The following FOXJ3 variants were observed in gnomAD, a reference collection of about 807,000 sequenced individuals.
The protein encoded by FOXJ3 is forkhead box protein J3.
A neutral mutation model predicts 76.1 loss-of-function variants in FOXJ3; 22 were observed. The observed-to-expected ratio is 0.29, with a 90% confidence interval of 0.21 to 0.41. The LOEUF is 0.41. FOXJ3 is among the 10% of genes least tolerant of loss of function. The probability of loss-of-function intolerance (pLI) is 1.00; values close to 1 mark genes in which losing one functional copy is unlikely to be tolerated. For missense variants in FOXJ3, 613 were observed against 762.1 expected (o/e 0.80, Z 2.30); for synonymous variants, 269 against 261.2 (o/e 1.03, Z -0.29).
intron 6 of FOXJ3, among the ~76,000 whole-genome samples, chr1:42,200,172 C>T (rs1000533835): frequency 6.6e-6 from 1 of 152,098 alleles, no homozygotes; most frequent in African/African-American, 2.4e-5. Context: ...GACCAGCACT[C>T]TAGAAGCTCA....
intron 10 of FOXJ3, 137 bp from the exon 11 acceptor site, chr1:42,189,065 A>G: frequency 1.6e-6 from 1 of 624,352 alleles, no homozygotes; most frequent in Non-Finnish European, 2.7e-6. Flanking sequence ...CCACGCAATG[A>G]AGAATGACCT....
intron 1 of FOXJ3, among the ~76,000 whole-genome samples, chr1:42,327,993 ACT>A (rs1655939270): frequency 6.6e-6 from 1 of 151,922 alleles, no homozygotes; most frequent in Admixed American, 6.6e-5. Flanking sequence ...TTCTGGAGAG[ACT>A]CTCTAAAAAT....
chr1:42,223,971 C>T (rs1218466880), intron 5 of FOXJ3, among the ~76,000 whole-genome samples: 5 of 152,206 alleles, frequency 3.3e-5, no homozygotes, highest in Non-Finnish European at 7.3e-5. Context: ...TGTTCATCAG[C>T]TTCATCAGAG....
At chr1:42,228,311 T>TTAA (rs1290957010) in intron 4 of FOXJ3, among the ~76,000 whole-genome samples, 2 of 152,150 alleles carry the variant, frequency 1.3e-5, no homozygotes, top group Non-Finnish European at 2.9e-5. Context: ...TGTATAAAGA[T>TTAA]ACTGTAGTTT....
At chr1:42,251,602 T>C (rs1650054833) in intron 4 of FOXJ3, among the ~76,000 whole-genome samples, 1 of 152,148 alleles carries the variant, frequency 6.6e-6, no homozygotes, top group Admixed American at 6.5e-5. Context: ...TGGATTACAT[T>C]TATTGATTTG....
At chr1:42,314,426 A>G (rs1654988753) in intron 1 of FOXJ3, among the ~76,000 whole-genome samples, 1 of 152,050 alleles carries the variant, frequency 6.6e-6, no homozygotes, top group Admixed American at 6.6e-5. Context: ...ACTTTTCTGT[A>G]TTTAGTAGAG....
At chr1:42,248,046 G>A (rs1649685970) in intron 4 of FOXJ3, among the ~76,000 whole-genome samples, 1 of 152,190 alleles carries the variant, frequency 6.6e-6, no homozygotes, top group South Asian at 2.1e-4. Flanking sequence ...TAGGTAACAT[G>A]TCCAGAATAG....
intron 2 of FOXJ3, among the ~76,000 whole-genome samples, chr1:42,288,527 T>A (rs975491241): frequency 1.3e-5 from 2 of 152,202 alleles, no homozygotes; most frequent in Admixed American, 1.3e-4. Context: ...CGGTGGAAAG[T>A]GATCCTGTCT....
intron 4 of FOXJ3, among the ~76,000 whole-genome samples, chr1:42,250,909 C>A (rs1035595914): frequency 2.3e-5 from 2 of 87,266 alleles, no homozygotes; most frequent in Non-Finnish European, 5.7e-5. Context: ...ACTAACAAAC[C>A]TGAAGAACAA....
intron 3 of FOXJ3, among the ~76,000 whole-genome samples, chr1:42,275,292 T>C (rs56042308): frequency 0.014 from 2,146 of 152,226 alleles, 24 homozygotes; most frequent in Non-Finnish European, 0.022. Flanking sequence ...AAAGAGTAAC[T>C]ACCATCTGAT....
chr1:42,227,418 T>G (rs1647660457), intron 5 of FOXJ3, among the ~76,000 whole-genome samples: 1 of 152,234 alleles, frequency 6.6e-6, no homozygotes, highest in Non-Finnish European at 1.5e-5. Context: ...CAAGTAAGAA[T>G]TATCTTACAA....
chr1:42,192,779 A>C (rs1168246479), intron 8 of FOXJ3, among the ~76,000 whole-genome samples: 1 of 152,126 alleles, frequency 6.6e-6, no homozygotes, highest in East Asian at 1.9e-4. Context: ...AAAAAACACA[A>C]GATAATATCA....
intron 4 of FOXJ3, among the ~76,000 whole-genome samples, chr1:42,251,706 ATTTTTTTTTTTTTTTTT>A (rs1168120638): frequency 1.6e-4 from 14 of 87,572 alleles, no homozygotes; most frequent in Admixed American, 4.0e-4. Context: ...GTTTGCCAGT[ATTTTTTTTTTTTTTTTT>A]TTTTTTTTTT....
chr1:42,334,419 A>G (rs908640418), intron 1 of FOXJ3, among the ~76,000 whole-genome samples: 29 of 145,462 alleles, frequency 2.0e-4, no homozygotes, highest in African/African-American at 7.1e-4. Flanking sequence ...TGGAGCTGGG[A>G]GGGGGGGCGG....
chr1:42,197,053 G>C (rs1021898863), intron 7 of FOXJ3, among the ~76,000 whole-genome samples: 2 of 151,994 alleles, frequency 1.3e-5, no homozygotes, highest in Non-Finnish European at 2.9e-5. Flanking sequence ...TGAAAACAAG[G>C]GCAGGATACT....
At chr1:42,321,698 A>T (rs1053068403) in intron 1 of FOXJ3, among the ~76,000 whole-genome samples, 4 of 152,182 alleles carry the variant, frequency 2.6e-5, no homozygotes, top group Non-Finnish European at 5.9e-5. Context: ...TTTTTTAAAT[A>T]AAGTAAATAA....
intron 2 of FOXJ3, among the ~76,000 whole-genome samples, chr1:42,292,008 G>A (rs1203886429): frequency 2.0e-5 from 3 of 152,120 alleles, no homozygotes; most frequent in Admixed American, 2.0e-4. Flanking sequence ...GGAAAGGCAG[G>A]AGTGGGAGCC....
intron 4 of FOXJ3, among the ~76,000 whole-genome samples, chr1:42,234,001 T>C (rs1318188073): frequency 6.6e-6 from 1 of 152,240 alleles, no homozygotes; most frequent in African/African-American, 2.4e-5. Context: ...GTTTTTAGCA[T>C]GAATGGTTGT....
chr1:42,309,923 T>C (rs1258473595), intron 2 of FOXJ3, among the ~76,000 whole-genome samples: 2 of 152,218 alleles, frequency 1.3e-5, no homozygotes, highest in Non-Finnish European at 2.9e-5. Context: ...GCAAAACTCA[T>C]CTGGTGACTT....
Sources: allele counts gnomAD v4.1 joint callset (sites outside exome capture counted in the v4.1 genomes callset), GRCh38; gene constraint gnomAD v4.1.1; transcripts MANE v1.5; gene names NCBI Gene and HGNC (gene_info 2026-07-23, HGNC 2026-07-21).